The following ARHGAP32 variants were observed in gnomAD, a reference collection of about 807,000 sequenced individuals.
ARHGAP32 encodes Rho GTPase activating protein 32, also known as rho GTPase-activating protein 32.
A neutral mutation model predicts 186.5 loss-of-function variants in ARHGAP32; 51 were observed. That is an observed-to-expected ratio of 0.27 (90% CI 0.22 to 0.35). The LOEUF (loss-of-function observed/expected upper bound fraction) is 0.35, where lower values mean the gene tolerates loss of function less well. Ranked by LOEUF, ARHGAP32 falls within the 10% of genes least tolerant of loss-of-function variation. The pLI is 1.00. For missense variants in ARHGAP32, 2,186 were observed against 2,623.5 expected (o/e 0.83, Z 3.64); for synonymous variants, 950 against 964.3 (o/e 0.99, Z 0.27).
intron 5 of ARHGAP32, among the ~76,000 whole-genome samples, chr11:129,122,691 C>T (rs2135379278): frequency 6.6e-6 from 1 of 152,166 alleles, no homozygotes; most frequent in African/African-American, 2.4e-5. Context: ...CAAAAAGTAG[C>T]ACACTGTGAC....
chr11:129,200,249 T>C (rs1322735591), intron 1 of ARHGAP32, among the ~76,000 whole-genome samples: 3 of 152,196 alleles, frequency 2.0e-5, no homozygotes, highest in Admixed American at 6.6e-5. Flanking sequence ...GGGACATGAC[T>C]GGTTTGAAAT....
rs765544275 is a variant in ARHGAP32, at chr11:128,972,668, T to G, written c.3838A>C (p.Thr1280Pro). ...CTCATTTGGGCTGTTGCTGGAGTAG[T>G]TGTCATGTAAGTCATGGTGGCTGTG... The part of the protein sequence containing the change: ...TSTATMTYMT[T>P]TPATAQMSTK... Residue 1280 changes from threonine to proline, a missense_variant, in exon 22 of 23, where the codon ACT (threonine) becomes CCT (proline). Around this residue, in one of 5 missense-constraint regions of ARHGAP32, gnomAD observed 1,502 missense variants for 1,570.0 expected, o/e 0.96. Coordinates refer to ENST00000682385, the MANE Select transcript of ARHGAP32 (RefSeq NM_001378024.1). 6.2e-7 allele frequency: 1 copy of G among 1,614,034 alleles called. No homozygotes were observed. The highest frequency in any genetic ancestry group is 8.5e-7 in the Non-Finnish European group (1 of 1,179,980).
intron 2 of ARHGAP32, among the ~76,000 whole-genome samples, chr11:129,152,368 C>A (rs1229384163): frequency 6.6e-6 from 1 of 152,086 alleles, no homozygotes; most frequent in Non-Finnish European, 1.5e-5. Flanking sequence ...AGAGGAAATC[C>A]TTCCTAAGTC....
chr11:128,999,470 T>A (rs992504441), intron 11 of ARHGAP32, among the ~76,000 whole-genome samples: 4 of 152,174 alleles, frequency 2.6e-5, no homozygotes, highest in Admixed American at 2.6e-4. Context: ...TGCCCCCATT[T>A]GCCTTGTGAT....
intron 11 of ARHGAP32, among the ~76,000 whole-genome samples, chr11:129,006,537 G>A (rs542222754): frequency 9.9e-5 from 15 of 152,244 alleles, no homozygotes; most frequent in Admixed American, 7.2e-4. Context: ...CTGGATTACC[G>A]GTCAGAGACT....
At chr11:129,127,293 G>A (rs573830558) in intron 2 of ARHGAP32, among the ~76,000 whole-genome samples, 1 of 152,132 alleles carries the variant, frequency 6.6e-6, no homozygotes, top group Non-Finnish European at 1.5e-5. Context: ...GGGCCTGACG[G>A]GAAAACCTCT....
In ARHGAP32 at chr11:129,111,116, T is replaced by C. The variant is rs12798781; in HGVS notation, c.444+12330A>G. Among the ~76,000 whole-genome samples, 756 of 152,332 alleles carry C rather than the reference T, an allele frequency of 5.0e-3. 4 individuals are homozygous for C. Among genetic ancestry groups the C allele is most frequent in the Non-Finnish European group, 7.7e-3 (524 of 68,020 alleles). On this transcript the variant is annotated intron_variant, in intron 5 of 22. Transcript: ENST00000682385. ...GTATGTTCCTTCTGTGTCTGGTTTGTTGAGAATTTTTATCATGAAGGATTG... is the reference window on the plus strand; with the variant it reads ...GTATGTTCCTTCTGTGTCTGGTTTGCTGAGAATTTTTATCATGAAGGATTG...
At chr11:129,009,271 A>C (rs1236264469) in intron 11 of ARHGAP32, among the ~76,000 whole-genome samples, 1 of 152,182 alleles carries the variant, frequency 6.6e-6, no homozygotes, top group Non-Finnish European at 1.5e-5. Flanking sequence ...CTTTAGTAGA[A>C]TAACACCTTG....
chr11:129,111,062 C>G (rs1942199125), intron 5 of ARHGAP32, among the ~76,000 whole-genome samples: 1 of 152,146 alleles, frequency 6.6e-6, no homozygotes, highest in Admixed American at 6.5e-5. Flanking sequence ...AGGTGTTGGT[C>G]TGTCATATAT....
At chr11:129,076,139 G>A (rs910133887) in intron 6 of ARHGAP32, among the ~76,000 whole-genome samples, 6 of 152,084 alleles carry the variant, frequency 3.9e-5, no homozygotes, top group East Asian at 1.9e-4. Flanking sequence ...AGATAACAAC[G>A]TCAAGAAGTT....
intron 11 of ARHGAP32, among the ~76,000 whole-genome samples, chr11:129,004,245 CTT>C (rs71057919): frequency 0.052 from 6,030 of 116,480 alleles, 211 homozygotes; most frequent in African/African-American, 0.14. Flanking sequence ...CAATGCTTTC[CTT>C]TTTTTTTTTT....
At chr11:129,140,996 C>A (rs926786578) in intron 2 of ARHGAP32, among the ~76,000 whole-genome samples, 1 of 152,172 alleles carries the variant, frequency 6.6e-6, no homozygotes, top group African/African-American at 2.4e-5. Context: ...TCCAGTGAAA[C>A]TGCCAATTCC....
chr11:128,994,276 T>C (rs1946141647), intron 12 of ARHGAP32, among the ~76,000 whole-genome samples: 2 of 152,008 alleles, frequency 1.3e-5, no homozygotes, highest in Non-Finnish European at 2.9e-5. Context: ...TGCCTCAGCC[T>C]CCTGAGTAGC....
At chr11:129,095,816 G>T (rs760237796) in intron 5 of ARHGAP32, among the ~76,000 whole-genome samples, 4 of 152,218 alleles carry the variant, frequency 2.6e-5, no homozygotes, top group South Asian at 2.1e-4. Context: ...GCAAAGCAGA[G>T]AAAGAGAACA....
intron 1 of ARHGAP32, among the ~76,000 whole-genome samples, chr11:129,188,556 T>A (rs1451323029): frequency 4.6e-5 from 7 of 152,076 alleles, no homozygotes; most frequent in African/African-American, 9.7e-5. Flanking sequence ...ACTTGTGGCA[T>A]CCTTCCAAAT....
At chr11:129,012,870 T>C (rs1033012182) in intron 11 of ARHGAP32, among the ~76,000 whole-genome samples, 2 of 152,350 alleles carry the variant, frequency 1.3e-5, no homozygotes, top group African/African-American at 4.8e-5. Context: ...TGGAATTATA[T>C]ACTGACCAAT....
chr11:129,013,687 C>T (rs953818636), intron 11 of ARHGAP32, among the ~76,000 whole-genome samples: 6 of 152,078 alleles, frequency 3.9e-5, no homozygotes, highest in African/African-American at 1.4e-4. Context: ...GTAACACTTC[C>T]AAATATAAAT....
At chr11:129,047,780 C>T (rs1939875070) in intron 10 of ARHGAP32, among the ~76,000 whole-genome samples, 1 of 152,194 alleles carries the variant, frequency 6.6e-6, no homozygotes, top group South Asian at 2.1e-4. Flanking sequence ...CTGCCAACAC[C>T]ATCCCAGCAC....
chr11:129,269,712 G>A (rs1945451719), intron 1 of ARHGAP32, among the ~76,000 whole-genome samples: 1 of 152,068 alleles, frequency 6.6e-6, no homozygotes, highest in South Asian at 2.1e-4. Flanking sequence ...GTAAAACCCT[G>A]TCTCTAAAAA....
Sources: gnomAD v4.1 joint callset for allele counts (sites outside exome capture counted in the v4.1 genomes callset) on GRCh38, gnomAD v4.1.1 for gene constraint, gnomAD v4.1.1 regional missense constraint, MANE v1.5 for transcripts, NCBI Gene and HGNC (gene_info 2026-07-23, HGNC 2026-07-21) for gene names.